The following POLR1C variants were observed in gnomAD, a reference collection of about 807,000 sequenced individuals.
POLR1C encodes the protein RNA polymerase I and III subunit C, also known as DNA-directed RNA polymerases I and III subunit RPAC1.
In POLR1C, 42 loss-of-function variants were observed where a neutral mutation model predicts 38.3. The observed-to-expected ratio is 1.10, with a 90% CI of 0.86 to 1.42. The LOEUF is 1.42. Ranked by LOEUF, POLR1C falls within the 40% of genes most tolerant of loss-of-function variation. The pLI is 0.00. For missense variants in POLR1C, 507 were observed against 450.5 expected (o/e 1.13, Z -1.14); for synonymous variants, 163 against 163.9 (o/e 0.99, Z 0.04).
At chr6:43,558,363 A>G (rs1279573133) in intron 10 of POLR1C, 4 of 727,190 alleles carry the variant, frequency 5.5e-6, no homozygotes, top group Non-Finnish European at 8.8e-6. Context: ...CTGCAATGGG[A>G]AACTAGGGCC....
chr6:43,551,838 T>A (rs906532385), intron 10 of POLR1C, among the ~76,000 whole-genome samples: 1 of 151,614 alleles, frequency 6.6e-6, no homozygotes, highest in Non-Finnish European at 1.5e-5. Flanking sequence ...GCTAATTTTT[T>A]AAATTTTTAG....
intron 9 of POLR1C, chr6:43,539,766 T>C (rs563054914): frequency 1.7e-6 from 1 of 588,268 alleles, no homozygotes; most frequent in South Asian, 2.1e-5. Flanking sequence ...GTCTAAGAGA[T>C]AAATTATCTG....
chr6:43,538,486 AACCT>A (rs944343550), intron 9 of POLR1C, among the ~76,000 whole-genome samples: 1 of 152,120 alleles, frequency 6.6e-6, no homozygotes, highest in African/African-American at 2.4e-5. Context: ...AATATATATA[AACCT>A]TGTGTGGATA....
chr6:43,525,209 A>C, downstream of POLR1C: 6 of 1,572,122 alleles, frequency 3.8e-6, no homozygotes, highest in Non-Finnish European at 5.2e-6. Context: ...GCGCTGTACA[A>C]ACATCCTGAA....
At chr6:43,523,200 C>CT (rs1793304959), downstream of POLR1C, 2 of 171,478 alleles carry the variant, frequency 1.2e-5, no homozygotes, top group South Asian at 2.7e-4. Context: ...GATGTTAGCA[C>CT]TAAAGACTTC....
downstream of POLR1C, among the ~76,000 whole-genome samples, chr6:43,534,334 T>TA (rs1321955701): frequency 6.6e-6 from 1 of 152,184 alleles, no homozygotes; most frequent in African/African-American, 2.4e-5. Context: ...CCACCAGTGA[T>TA]ACGGAATGAA....
intron 9 of POLR1C, chr6:43,549,989 T>A: frequency 6.4e-7 from 1 of 1,569,084 alleles, no homozygotes; most frequent in Non-Finnish European, 8.7e-7. Context: ...AGAGATGAGA[T>A]CTTGCTATGT....
At chr6:43,532,570 C>T (rs1360501053), downstream of POLR1C, among the ~76,000 whole-genome samples, 1 of 152,174 alleles carries the variant, frequency 6.6e-6, no homozygotes, top group Admixed American at 6.5e-5. Context: ...CTGGACATAC[C>T]AAGGCCTTTT....
downstream of POLR1C, among the ~76,000 whole-genome samples, chr6:43,529,793 C>G (rs1793846089): frequency 6.6e-6 from 1 of 151,072 alleles, no homozygotes. Context: ...TGGTGGTGCG[C>G]ATCTGTGGTC....
chr6:43,556,812 C>T (rs1235113077), intron 10 of POLR1C, among the ~76,000 whole-genome samples: 1 of 151,966 alleles, frequency 6.6e-6, no homozygotes, highest in African/African-American at 2.4e-5. Flanking sequence ...GTGGTATATC[C>T]ATACAATGAA....
At chr6:43,536,207 G>T (rs1481061497) in intron 9 of POLR1C, among the ~76,000 whole-genome samples, 2 of 151,862 alleles carry the variant, frequency 1.3e-5, no homozygotes, top group African/African-American at 2.4e-5. Context: ...CTGAGGTCAG[G>T]AGTTTGAGAC....
At chr6:43,552,545 G>A (rs545874274) in intron 10 of POLR1C, among the ~76,000 whole-genome samples, 26 of 152,180 alleles carry the variant, frequency 1.7e-4, no homozygotes, top group African/African-American at 6.0e-4. Flanking sequence ...TAGAGACAAG[G>A]TTTCACCATG....
In POLR1C at chr6:43,560,116, G is replaced by A. The variant is rs186431324; in HGVS notation, c.*49-1284G>A. ...TTATAGGCGTGAGCCACCGCACCCA[G>A]CCTCAAAGTCTTATTATGTGTATTC... On this transcript the variant is annotated intron_variant, in intron 10 of 10. Transcript: ENST00000607635. 241 of 1,560,594 alleles carry A rather than the reference G, an allele frequency of 1.5e-4. 2 individuals are homozygous for A. In the East Asian group the frequency reaches 4.9e-3, roughly 32 times the overall value.
At chr6:43,535,580 C>T (rs913587361) in intron 9 of POLR1C, among the ~76,000 whole-genome samples, 9 of 151,746 alleles carry the variant, frequency 5.9e-5, no homozygotes, top group African/African-American at 1.9e-4. Context: ...AGAGGCCGGG[C>T]GCGGTGGATC....
chr6:43,558,520 G>A, intron 10 of POLR1C: 1 of 1,603,364 alleles, frequency 6.2e-7, no homozygotes, highest in Admixed American at 1.7e-5. Context: ...AAGCATTGAA[G>A]TCCTCATCGC....
Position 43,546,675 on chromosome 6 carries a change from A to G in POLR1C, c.*5-4293A>G, listed in dbSNP as rs1327684165. 16 of 1,613,570 alleles carry G rather than the reference A, an allele frequency of 9.9e-6. No individual in the cohort carries two copies. The highest frequency in any genetic ancestry group is 3.3e-5 in the Admixed American group (2 of 59,964). The stretch of plus-strand genomic sequence containing the variant: ...ATGTATAACCCACCACAAATCCCCC[A>G]GCTTTGGCCTCTTCTAGGTCAGTGG... On this transcript the variant is annotated intron_variant, in intron 9 of 10. Coordinates refer to the POLR1C transcript ENST00000607635.
Position 43,551,222 on chromosome 6 carries a change from C to T in POLR1C, c.*48+211C>T. 3.6e-6 allele frequency: 5 copies of T among 1,403,726 alleles called. No homozygotes were observed. The South Asian group carries it at 4.9e-5, about 14-fold the overall frequency. 87.0% of individuals were successfully genotyped at this position (1,403,726 alleles called of 1,614,324 possible). A position where few individuals can be genotyped will look rare whatever the true frequency, so the allele number is the denominator to read the frequency against. ...CCTGGGCAATGTAGCAAGATCCTGT[C>T]TCCAAAAAAATAAAATAAATAAAAA... On this transcript the variant is annotated intron_variant, in intron 10 of 10. Coordinates refer to the POLR1C transcript ENST00000607635.
downstream of POLR1C, among the ~76,000 whole-genome samples, chr6:43,532,733 G>A (rs74824398): frequency 2.8e-3 from 426 of 152,266 alleles, 6 homozygotes; most frequent in African/African-American, 9.6e-3. Context: ...TAGGTCTCCC[G>A]ATAAACACTC....
intron 10 of POLR1C, chr6:43,553,283 CAG>C: frequency 6.9e-7 from 1 of 1,449,514 alleles, no homozygotes; most frequent in African/African-American, 1.4e-5. Context: ...GCCTGAGCAA[CAG>C]AGAGATATAG....
Sources: gnomAD v4.1 joint callset for allele counts (sites outside exome capture counted in the v4.1 genomes callset) on GRCh38, gnomAD v4.1.1 for gene constraint, MANE v1.5 for transcripts, NCBI Gene and HGNC (gene_info 2026-07-23, HGNC 2026-07-21) for gene names.